Variants in DNAAF5 observed in about 807,000 individuals in gnomAD.
The protein encoded by DNAAF5 is HEAT repeat containing 2.
Under a neutral mutation model 75.8 loss-of-function variants are expected in DNAAF5, and 64 were observed. The ratio of observed to expected loss-of-function variants is 0.84; its 90% confidence interval spans 0.69 to 1.04. The LOEUF is 1.04. DNAAF5 is among the 50% of genes least tolerant of loss of function. The probability of loss-of-function intolerance (pLI) is 0.00; values close to 1 mark genes in which losing one functional copy is unlikely to be tolerated. For synonymous variants in DNAAF5, 657 were observed against 557.2 expected (o/e 1.18, Z -2.52); for missense variants, 1,269 against 1,178.5 (o/e 1.08, Z -1.12).
At chr7:745,073 C>T (rs576753013) in intron 4 of DNAAF5, among the ~76,000 whole-genome samples, 22 of 152,314 alleles carry the variant, frequency 1.4e-4, no homozygotes, top group African/African-American at 5.1e-4. Context: ...CTGCGTTGGT[C>T]GGACCTTTAA....
In DNAAF5 at chr7:785,846, T is replaced by C. The variant is rs533217049; in HGVS notation, c.*193T>C. 5.8e-5 allele frequency: 36 copies of C among 622,782 alleles called. No homozygotes were observed. Among genetic ancestry groups the C allele is most frequent in the Middle Eastern group, 8.8e-4 (2 of 2,274 alleles). 38.6% of individuals were successfully genotyped at this position (622,782 alleles called of 1,614,324 possible). On this transcript the variant is annotated 3_prime_UTR_variant, in exon 13 of 13. Transcript: ENST00000297440. Reference sequence around the variant, plus strand: ...TGGATTCTGCATGTTATGTGATTTGTTCTGTTCATCGAGAGGGCTCCCAAA... The same window carrying C: ...TGGATTCTGCATGTTATGTGATTTGCTCTGTTCATCGAGAGGGCTCCCAAA...
intron 4 of DNAAF5, among the ~76,000 whole-genome samples, chr7:746,209 C>G (rs985636496): frequency 2.6e-5 from 4 of 151,904 alleles, no homozygotes; most frequent in African/African-American, 9.7e-5. Flanking sequence ...CACACCCTCC[C>G]TGCCGTCCTG....
chr7:736,921 A>G (rs550239395), intron 2 of DNAAF5, among the ~76,000 whole-genome samples: 59 of 152,216 alleles, frequency 3.9e-4, no homozygotes, highest in African/African-American at 1.3e-3. Context: ...ATAACCCATT[A>G]TTTTAAACTG....
At chr7:727,454 A>G in intron 1 of DNAAF5, 139 bp downstream of exon 1, 1 of 256,058 alleles carries the variant, frequency 3.9e-6, no homozygotes, top group Non-Finnish European at 6.2e-6. Context: ...CGGACCCCCC[A>G]TGCGCCGCTT....
intron 12 of DNAAF5, among the ~76,000 whole-genome samples, chr7:782,921 C>T (rs1779022035): frequency 6.6e-6 from 1 of 152,268 alleles, no homozygotes. Context: ...GTGGCCACCT[C>T]CCCTCCGGCG....
rs1304402318 is a variant in DNAAF5, at chr7:761,824, G to A, written c.1542G>A (p.Val514=). The A allele has an allele frequency of 6.2e-7, 1 of 1,606,828 alleles. No homozygotes were observed. The highest frequency in any genetic ancestry group is 8.5e-7 in the Non-Finnish European group (1 of 1,176,910). ...LVSVCHEDCG[V]ASLQLLDVLL... is the part of the protein sequence containing the mutation. ...CTGTGTGTCATGAGGACTGTGGCGT[G>A]GCCAGCCTGCAGCTCTTGGACGTGC... The change falls in exon 7 of 13, where the codon GTG becomes GTA. Residue 514 remains valine, a synonymous_variant. Coordinates refer to ENST00000297440, the MANE Select transcript of DNAAF5 (RefSeq NM_017802.4).
At chr7:783,387 C>T (rs1034736754) in intron 12 of DNAAF5, among the ~76,000 whole-genome samples, 1 of 152,200 alleles carries the variant, frequency 6.6e-6, no homozygotes, top group Non-Finnish European at 1.5e-5. Flanking sequence ...CCCGCATCTG[C>T]GCAGGTGTGA....
chr7:741,027 A>G (rs1781891466), intron 3 of DNAAF5, 84 bp downstream of exon 3: 4 of 1,511,594 alleles, frequency 2.6e-6, no homozygotes, highest in African/African-American at 1.4e-5. Flanking sequence ...CCAGTCTCTC[A>G]CAGAAACCTG....
chr7:779,994 A>G lies in DNAAF5; in HGVS notation c.2281A>G (p.Met761Val). The change falls in exon 12 of 13, where the codon ATG becomes GTG. Residue 761 changes from methionine (M) to valine (V), a missense_variant. By Grantham distance (21) the Met-to-Val change is conservative. Transcript: ENST00000297440. ...AGATGACGTGTCCAACGATGTGAGG[A>G]TGGCAGCCGCCTCCACCTTGGTCAC... ...RLDDVSNDVR[M>V]AAASTLVTWL... 6.2e-7 allele frequency: 1 copy of G among 1,614,180 alleles called. No homozygotes were observed. The highest frequency in any genetic ancestry group is 8.5e-7 in the Non-Finnish European group (1 of 1,180,016).
At chr7:740,790 G>A (rs748176563) in intron 2 of DNAAF5, 29 bp from the exon 3 acceptor site, 25 of 1,611,818 alleles carry the variant, frequency 1.6e-5, no homozygotes, top group Middle Eastern at 1.6e-4. Flanking sequence ...TTGCCTACAC[G>A]AATCCTTATC....
chr7:777,822 C>G (rs1267284285), intron 11 of DNAAF5, among the ~76,000 whole-genome samples: 4 of 152,096 alleles, frequency 2.6e-5, no homozygotes, highest in African/African-American at 9.7e-5. Flanking sequence ...GATCACGAGA[C>G]AGAGAGGGGT....
intron 12 of DNAAF5, among the ~76,000 whole-genome samples, chr7:782,701 GCGT>G: frequency 9.1e-6 from 1 of 109,960 alleles, no homozygotes; most frequent in African/African-American, 3.9e-5. Flanking sequence ...CCGTCACGCA[GCGT>G]CAGAAACTCG....
chr7:766,055 C>T (rs369731181), intron 8 of DNAAF5, among the ~76,000 whole-genome samples: 3 of 152,128 alleles, frequency 2.0e-5, no homozygotes, highest in South Asian at 4.1e-4. Flanking sequence ...CCTCAAACTC[C>T]TAGGCTCGAA....
intron 7 of DNAAF5, among the ~76,000 whole-genome samples, chr7:763,300 G>T (rs752416991): frequency 6.6e-6 from 1 of 152,180 alleles, no homozygotes; most frequent in East Asian, 1.9e-4. Context: ...AATGGCCACC[G>T]GGGAGCCTCA....
intron 1 of DNAAF5, among the ~76,000 whole-genome samples, chr7:729,258 T>C (rs1781480889): frequency 6.6e-6 from 1 of 152,126 alleles, no homozygotes; most frequent in African/African-American, 2.4e-5. Flanking sequence ...TCGTCTCAGG[T>C]GGGGCTGGGA....
intron 8 of DNAAF5, 62 bp downstream of exon 8, chr7:764,036 C>T: frequency 6.4e-7 from 1 of 1,559,370 alleles, no homozygotes; most frequent in Non-Finnish European, 8.7e-7. Context: ...CACCTGCTCC[C>T]CCAGGTGCTC....
rs1220455078 is a variant in DNAAF5 at position 776,479 on chromosome 7, T to TG, written c.2239+1322dup. 2.6e-5 allele frequency among the ~76,000 whole-genome samples: 4 copies of TG among 152,030 alleles called. No homozygotes were observed. The East Asian group carries it at 7.7e-4, about 29-fold the overall frequency. Reference sequence around the variant, plus strand: ...CAGAGGTCTCCAAACCAGCACTGGGTGGGGGTGACAAGGCTCAGCTTCCAC... The same window carrying TG: ...CAGAGGTCTCCAAACCAGCACTGGGTGGGGGGTGACAAGGCTCAGCTTCCAC... On this transcript the variant is annotated intron_variant, in intron 11 of 12. Transcript: ENST00000297440.
chr7:764,495 T>C (rs886384479), intron 8 of DNAAF5, among the ~76,000 whole-genome samples: 2 of 152,222 alleles, frequency 1.3e-5, no homozygotes, highest in Non-Finnish European at 2.9e-5. Context: ...CCATAGTGCC[T>C]TGGGACACAC....
intron 12 of DNAAF5, among the ~76,000 whole-genome samples, chr7:782,697 C>T (rs1260206646): frequency 1.9e-5 from 2 of 106,554 alleles, no homozygotes; most frequent in African/African-American, 8.0e-5. Flanking sequence ...CCTCCCGTCA[C>T]GCAGCGTCAG....
Sources: gnomAD v4.1 joint callset for allele counts (sites outside exome capture counted in the v4.1 genomes callset) on GRCh38, gnomAD v4.1.1 for gene constraint, MANE v1.5 for transcripts, NCBI Gene and HGNC (gene_info 2026-07-23, HGNC 2026-07-21) for gene names.